Variants in SYMPK observed in about 807,000 individuals in gnomAD.
SYMPK encodes the protein symplekin scaffold protein.
A neutral mutation model predicts 136.4 loss-of-function variants in SYMPK; 49 were observed. The ratio of observed to expected loss-of-function variants is 0.36; its 90% CI spans 0.29 to 0.46. SYMPK has a LOEUF of 0.46. Ranked by LOEUF, SYMPK falls within the 20% of genes least tolerant of loss-of-function variation. The pLI, the probability that SYMPK is intolerant of heterozygous loss-of-function variation, is 1.00. For synonymous variants in SYMPK, 766 were observed against 713.0 expected (o/e 1.07, Z -1.19); for missense variants, 1,365 against 1,690.0 (o/e 0.81, Z 3.37).
intron 17 of SYMPK, 26 bp downstream of exon 17, chr19:45,826,200 T>A (rs374618368): frequency 3.1e-6 from 5 of 1,601,994 alleles, no homozygotes; most frequent in African/African-American, 1.3e-5. Flanking sequence ...CAGCGCTCAG[T>A]ATGCATCTGA....
At chr19:45,844,792 A>G (rs1971522063) in intron 7 of SYMPK, among the ~76,000 whole-genome samples, 1 of 152,234 alleles carries the variant, frequency 6.6e-6, no homozygotes. Context: ...CACTCCCCTC[A>G]ATACAGTCCC....
Position 45,844,025 on chromosome 19 carries a change from C to A in SYMPK, c.847+5G>T. Reference sequence around the variant, plus strand: ...GCAGGGGGAGGGGGGAGGACAATGACCTACCATGCAGAGTTTCATAGGCCT... The same window carrying A: ...GCAGGGGGAGGGGGGAGGACAATGAACTACCATGCAGAGTTTCATAGGCCT... On this transcript the variant is annotated splice_donor_5th_base_variant and intron_variant, in intron 8 of 26. Coordinates refer to ENST00000245934, the MANE Select transcript of SYMPK (RefSeq NM_004819.3). 6.6e-7 allele frequency: 1 copy of A among 1,506,206 alleles called. No individual in the cohort carries two copies. The highest frequency in any genetic ancestry group is 8.9e-7 in the Non-Finnish European group (1 of 1,120,188). 93.3% of individuals were successfully genotyped at this position (1,506,206 alleles called of 1,614,324 possible). A position where few individuals can be genotyped will look rare whatever the true frequency, so the allele number is the denominator to read the frequency against.
chr19:45,816,145 TGCTGGGGCCGGGGC>T lies in SYMPK; in HGVS notation c.3379_3392del (p.Ala1127ThrfsTer55). 2 of 1,547,152 alleles carry T rather than the reference TGCTGGGGCCGGGGC, an allele frequency of 1.3e-6. No homozygotes were observed. The highest frequency in any genetic ancestry group is 8.7e-7 in the Non-Finnish European group (1 of 1,143,096). ...CGATGAGGTCCTGAGGGGGCCGGGG[TGCTGGGGCCGGGGC>T]CAAGGTCAGGGGCTCCAGATCATCC... On this transcript the variant is annotated frameshift_variant, in exon 26 of 27. Transcript: ENST00000245934. LOFTEE classifies it high-confidence loss of function.
intron 10 of SYMPK, among the ~76,000 whole-genome samples, 165 bp downstream of exon 10, chr19:45,838,296 C>A (rs746061847): frequency 6.6e-6 from 1 of 152,056 alleles, no homozygotes; most frequent in Non-Finnish European, 1.5e-5. Flanking sequence ...GCCAGCACCA[C>A]GCTTCCTATA....
In SYMPK at chr19:45,853,002, CT is replaced by C. The variant is rs578184750; in HGVS notation, c.172-468del. Among the ~76,000 whole-genome samples the C allele has an allele frequency of 1.1e-4, 17 of 152,330 alleles. No homozygotes were observed. The East Asian group carries it at 3.3e-3, about 29-fold the overall frequency. ...CAGTGAGAACCCAATTCCTGAAGCC[CT>C]TGTGCCTGCCAGGCTCTTTGGAGTA... On this transcript the variant is annotated intron_variant, in intron 3 of 26. Coordinates refer to ENST00000245934, the MANE Select transcript of SYMPK (RefSeq NM_004819.3).
chr19:45,851,290 T>A (rs1488188135), intron 5 of SYMPK, among the ~76,000 whole-genome samples: 1 of 152,140 alleles, frequency 6.6e-6, no homozygotes, highest in Non-Finnish European at 1.5e-5. Context: ...AAATAGCTGA[T>A]TTTTGCTGGG....
Position 45,823,395 on chromosome 19 carries a change from G to A in SYMPK, c.2677C>T (p.Pro893Ser). ...ACCTTCTCCAGCCCATTGAGCACCG[G>A]GATGAGGAAGCGGACGTCTGGCAGT... ...KRLPDVRFLI[P>S]VLNGLEKKEV... Residue 893 changes from proline to serine, a missense_variant, in exon 20 of 27, where the codon CCG becomes TCG. Pro to Ser is a moderately conservative substitution (Grantham distance 74). Coordinates refer to ENST00000245934, the MANE Select transcript of SYMPK (RefSeq NM_004819.3). The A allele has an allele frequency of 6.2e-7, 1 of 1,614,072 alleles. No individual in the cohort carries two copies. The highest frequency in any genetic ancestry group is 8.5e-7 in the Non-Finnish European group (1 of 1,180,032).
rs764774808 is a variant in SYMPK, at chr19:45,852,398, G to C, written c.226-13C>G. ...ATGCGATGATCTCCTGCCAATGTTA[G>C]AGAGAAAGTGGATCAGGGCTACACA... On this transcript the variant is annotated splice_polypyrimidine_tract_variant and intron_variant, in intron 4 of 26. Transcript: ENST00000245934. The C allele has an allele frequency of 8.1e-6, 13 of 1,614,182 alleles. No individual in the cohort carries two copies. In the South Asian group the frequency reaches 1.2e-4, roughly 15 times the overall value.
At chr19:45,826,401 G>T in intron 16 of SYMPK, 28 bp from the exon 17 acceptor site, 1 of 1,611,916 alleles carries the variant, frequency 6.2e-7, no homozygotes, top group African/African-American at 1.3e-5. Flanking sequence ...GAAGGGCAGG[G>T]TCAGGGAAGA....
chr19:45,846,033 A>G (rs900681568), intron 7 of SYMPK, among the ~76,000 whole-genome samples: 11 of 152,140 alleles, frequency 7.2e-5, no homozygotes, highest in Admixed American at 3.9e-4. Context: ...TCAGGAGATC[A>G]AGACCATCCT....
At position 45,815,528 on chromosome 19, in the gene SYMPK, CCT is replaced by C. The variant is rs776097820; in HGVS notation, c.*30_*31del. 33 of 1,455,358 alleles carry C rather than the reference CCT, an allele frequency of 2.3e-5. No homozygotes were observed. Among genetic ancestry groups the C allele is most frequent in the Non-Finnish European group, 4.6e-6 (5 of 1,094,800 alleles). 90.2% of individuals were successfully genotyped at this position (1,455,358 alleles called of 1,614,324 possible). A position where few individuals can be genotyped will look rare whatever the true frequency, so the allele number is the denominator to read the frequency against. On this transcript the variant is annotated 3_prime_UTR_variant, in exon 27 of 27. Transcript: ENST00000245934. ...CCGCCCCGTCCCCCAGCCCCGAGTC[CCT>C]GTCCCACCCCCTTTCCCCCTCGAGC...
In SYMPK at chr19:45,821,561, A is replaced by G. The variant is rs1011942005; in HGVS notation, c.2792-76T>C. On this transcript the variant is annotated intron_variant, in intron 21 of 26. Coordinates refer to ENST00000245934, the MANE Select transcript of SYMPK (RefSeq NM_004819.3). This position sits in a 1 kb window ranked among gnomAD's most constrained non-coding sequence, Gnocchi z 4.4. ...GAAGAGATGGGTCTGAGTTCCCCAG[A>G]TCGGGGGAGCTGCGAGCAAAGATGA... The G allele has an allele frequency of 2.1e-5, 21 of 983,336 alleles. No homozygotes were observed. In the East Asian group the frequency reaches 3.3e-4, roughly 15 times the overall value. 60.9% of individuals were successfully genotyped at this position (983,336 alleles called of 1,614,324 possible).
rs1971805864 is a variant in SYMPK at position 45,855,639 on chromosome 19, A to G, written c.-12-1132T>C. ...CTAGACACTGATAGAGAGTGCATAC[A>G]TTAAGTGAAAACAAGCAAAGCTGAA... On this transcript the variant is annotated intron_variant, in intron 1 of 26. Coordinates refer to ENST00000245934, the MANE Select transcript of SYMPK (RefSeq NM_004819.3). The G allele has an allele frequency of 2.0e-5, 3 of 152,306 alleles. No homozygotes were observed. In the South Asian group the frequency reaches 6.2e-4, roughly 32 times the overall value. The allele number at this position is 152,306 out of a possible 1,614,324, so 9.4% of individuals were successfully genotyped here.
Position 45,838,532 on chromosome 19 carries a change from C to A in SYMPK, c.1171G>T (p.Gly391Cys), listed in dbSNP as rs557692962. Residue 391 changes from glycine to cysteine, a missense_variant, in exon 10 of 27, where the codon GGC becomes TGC. Transcript: ENST00000245934. ...GCTGTGATGTCCGTGTCTGACTGGC[C>A]GGAGATCTGCGCTGAGGCCTTCGAG... Reference protein sequence around the residue: ...GTSKASAQISGQSDTDITAEF... With the variant: ...GTSKASAQISCQSDTDITAEF... 1.9e-6 allele frequency: 3 copies of A among 1,614,004 alleles called. No individual in the cohort carries two copies. The highest frequency in any genetic ancestry group is 2.7e-5 in the African/African-American group (2 of 74,908).
chr19:45,854,104 A>C, intron 3 of SYMPK, 71 bp downstream of exon 3: 1 of 1,422,616 alleles, frequency 7.0e-7, no homozygotes, highest in Non-Finnish European at 9.9e-7. Context: ...GTGTTACTGC[A>C]AGTGTCTTTC....
chr19:45,822,574 T>C (rs983133100), intron 21 of SYMPK, among the ~76,000 whole-genome samples, 182 bp downstream of exon 21: 8 of 152,034 alleles, frequency 5.3e-5, no homozygotes, highest in African/African-American at 1.9e-4. Context: ...AATGAAACCA[T>C]CATAAAAATA....
At chr19:45,845,967 T>G (rs1300159046) in intron 7 of SYMPK, among the ~76,000 whole-genome samples, 3 of 152,230 alleles carry the variant, frequency 2.0e-5, no homozygotes, top group Non-Finnish European at 4.4e-5. Context: ...CCGGGCGCGG[T>G]GGCTCACGCC....
intron 5 of SYMPK, among the ~76,000 whole-genome samples, chr19:45,850,697 T>C (rs1456958047): frequency 6.6e-6 from 1 of 152,148 alleles, no homozygotes; most frequent in Non-Finnish European, 1.5e-5. Context: ...AACAAATACG[T>C]AGTCAGCCCC....
At chr19:45,855,691 T>C (rs1328515050) in intron 1 of SYMPK, 1 of 147,080 alleles carries the variant, frequency 6.8e-6, no homozygotes, top group Non-Finnish European at 1.5e-5. Context: ...TGTTTCTGTT[T>C]TACAAAAAAA....
Sources: gnomAD v4.1 joint callset for allele counts (sites outside exome capture counted in the v4.1 genomes callset) on GRCh38, gnomAD v4.1.1 for gene constraint, Gnocchi (gnomAD v3.1) non-coding constraint, MANE v1.5 for transcripts, NCBI Gene and HGNC (gene_info 2026-07-23, HGNC 2026-07-21) for gene names.